Variants in RNF43 observed in about 807,000 individuals in gnomAD.
RNF43 encodes ring finger protein 43, also known as E3 ubiquitin-protein ligase RNF43.
RNF43 carries 37 observed loss-of-function variants against 78.4 expected under a neutral mutation model. The observed-to-expected ratio is 0.47, with a 90% CI of 0.36 to 0.62. RNF43 has a LOEUF of 0.62. Among genes scored for constraint, RNF43 ranks in the 20% least tolerant of loss-of-function variants. The pLI, the probability that RNF43 is intolerant of heterozygous loss-of-function variation, is 0.00. For synonymous variants in RNF43, 347 were observed against 395.0 expected, an observed-to-expected ratio of 0.88 and a Z score of 1.44; for missense variants, 774 against 1,007.9, an observed-to-expected ratio of 0.77 and a Z score of 3.14.
At chr17:58,381,352 C>T (rs1301820300) in intron 2 of RNF43, among the ~76,000 whole-genome samples, 1 of 152,180 alleles carries the variant, frequency 6.6e-6, no homozygotes. Context: ...TGCTGACAGC[C>T]CTTTGACCAC....
intron 2 of RNF43, among the ~76,000 whole-genome samples, chr17:58,391,005 T>C (rs1310910570): frequency 1.3e-5 from 2 of 152,226 alleles, no homozygotes; most frequent in Non-Finnish European, 2.9e-5. Context: ...CTACAGTATC[T>C]GAAGGGCTCC....
At position 58,415,408 on chromosome 17, in the gene RNF43, G is replaced by A. The variant is rs1260651838; in HGVS notation, c.170C>T (p.Pro57Leu). The A allele has an allele frequency of 6.2e-7, 1 of 1,614,194 alleles. No individual in the cohort carries two copies. Among genetic ancestry groups the A allele is most frequent in the African/African-American group, 1.3e-5 (1 of 75,062 alleles). Residue 57 changes from proline to leucine, a missense_variant, in exon 2 of 10, where the codon CCC becomes CTC. By Grantham distance (98) the Pro-to-Leu change is moderately conservative. Transcript: ENST00000407977. Reference protein sequence around the residue: ...IIRVIPLKMDPTGKLNLTLEG... With the variant: ...IIRVIPLKMDLTGKLNLTLEG... Reference sequence around the variant, plus strand: ...CAAAGTGAGATTCAGTTTTCCTGTGGGGTCCATTTTCAAGGGGATCACTCT... The same window carrying A: ...CAAAGTGAGATTCAGTTTTCCTGTGAGGTCCATTTTCAAGGGGATCACTCT...
chr17:58,412,590 A>G (rs938760454), intron 2 of RNF43, among the ~76,000 whole-genome samples: 1 of 149,338 alleles, frequency 6.7e-6, no homozygotes, highest in Non-Finnish European at 1.5e-5. Context: ...AGTTGAGACA[A>G]AATTCTTTTA....
intron 2 of RNF43, among the ~76,000 whole-genome samples, chr17:58,393,168 G>A (rs1973595409): frequency 6.6e-6 from 1 of 152,156 alleles, no homozygotes; most frequent in Non-Finnish European, 1.5e-5. Context: ...AGCACTTTTG[G>A]AGGCCAAGGT....
intron 2 of RNF43, among the ~76,000 whole-genome samples, chr17:58,385,949 A>T (rs530843032): frequency 2.6e-5 from 4 of 152,020 alleles, no homozygotes; most frequent in South Asian, 4.2e-4. Context: ...TCTATGAAAA[A>T]TTTTTTAAAA....
Position 58,362,583 on chromosome 17 carries a change from C to G in RNF43, c.648G>C (p.Ser216=), listed in dbSNP as rs370069540. The G allele has an allele frequency of 1.7e-5, 28 of 1,612,020 alleles. No individual in the cohort carries two copies. Among genetic ancestry groups the G allele is most frequent in the Non-Finnish European group, 2.4e-5 (28 of 1,179,084 alleles). ...VGTIFVIILA[S]VLRIRCRPRH... ...GGGGGCGGCACCGGATGCGCAGCAC[C>G]GAAGCCAGGATGATCACAAAGATGG... is the stretch of plus-strand genomic sequence containing the variant. The change falls in exon 6 of 10, where the codon TCG becomes TCC. Residue 216 remains serine, a synonymous_variant. Coordinates refer to ENST00000407977, the MANE Select transcript of RNF43 (RefSeq NM_017763.6).
At chr17:58,396,834 T>C (rs1010199656) in intron 2 of RNF43, among the ~76,000 whole-genome samples, 1 of 152,046 alleles carries the variant, frequency 6.6e-6, no homozygotes, top group East Asian at 1.9e-4. Context: ...CCTTTATATA[T>C]ACACACACAC....
rs758854182 is a variant in RNF43, at chr17:58,363,581, C to A, written c.395G>T (p.Arg132Leu). The change falls in exon 4 of 10, where the codon CGA (arginine) becomes CTA (leucine). Residue 132 changes from arginine to leucine, a missense_variant. By Grantham distance (102) the Arg-to-Leu change is moderately radical. Transcript: ENST00000407977. ...GTCAAAGAGGACAGCACTGGCTCCT[C>A]GCTCACCCGCCATCCGAGCCTGCAG... ...LASKARMAGE[R>L]GASAVLFDIT... 6.2e-7 allele frequency: 1 copy of A among 1,611,982 alleles called. No individual in the cohort carries two copies. Among genetic ancestry groups the A allele is most frequent in the South Asian group, 1.1e-5 (1 of 90,966 alleles).
rs2143401994 is a variant in RNF43, at chr17:58,358,048, G to A, written c.1728C>T (p.Pro576=). The change falls in exon 9 of 10, where the codon CCC becomes CCT. Residue 576 remains proline (P), a synonymous_variant. Coordinates refer to ENST00000407977, the MANE Select transcript of RNF43 (RefSeq NM_017763.6). This position sits in a 1 kb window ranked among gnomAD's most constrained non-coding sequence, Gnocchi z 6.2. ...TCCGAGGAATAGGAGGCCTGGACTGGGGGACTCCGGTTTCTGGGCCAGGCT... is the reference window on the plus strand; with the variant it reads ...TCCGAGGAATAGGAGGCCTGGACTGAGGGACTCCGGTTTCTGGGCCAGGCT... The part of the protein sequence containing the change: ...GRKPGPETGV[P]QSRPPIPRTQ... The A allele has an allele frequency of 6.3e-7, 1 of 1,590,764 alleles. No individual in the cohort carries two copies. The highest frequency in any genetic ancestry group is 2.2e-5 in the East Asian group (1 of 44,724).
intron 2 of RNF43, among the ~76,000 whole-genome samples, chr17:58,384,231 T>C (rs1002361459): frequency 6.6e-6 from 1 of 152,234 alleles, no homozygotes; most frequent in African/African-American, 2.4e-5. Context: ...TTCTCAGTTA[T>C]CAAGTTGGCT....
intron 3 of RNF43, among the ~76,000 whole-genome samples, chr17:58,367,348 T>A (rs184024004): frequency 5.9e-5 from 9 of 152,116 alleles, no homozygotes; most frequent in Non-Finnish European, 1.0e-4. Context: ...CGACATGTGA[T>A]TTCATTTACT....
At position 58,354,012 on chromosome 17, in the gene RNF43, G is replaced by C. The variant is rs990639433; in HGVS notation, c.*931C>G. On this transcript the variant is annotated 3_prime_UTR_variant, in exon 10 of 10. Transcript: ENST00000407977. ...CCTGGCCTGTATGGCTTATACTGGGGAGCTGGGCCTCTGGGCTGTCCAAAC... is the reference window on the plus strand; with the variant it reads ...CCTGGCCTGTATGGCTTATACTGGGCAGCTGGGCCTCTGGGCTGTCCAAAC... The C allele has an allele frequency of 5.3e-6, 1 of 189,434 alleles. No individual in the cohort carries two copies. Among genetic ancestry groups the C allele is most frequent in the African/African-American group, 2.3e-5 (1 of 42,818 alleles). 11.7% of individuals were successfully genotyped at this position (189,434 alleles called of 1,614,324 possible). A position where few individuals can be genotyped will look rare whatever the true frequency, so the allele number is the denominator to read the frequency against.
At chr17:58,396,740 T>C (rs1973690011) in intron 2 of RNF43, among the ~76,000 whole-genome samples, 1 of 152,190 alleles carries the variant, frequency 6.6e-6, no homozygotes, top group Non-Finnish European at 1.5e-5. Context: ...CTATAGAATA[T>C]ATACAATATG....
rs775174885 is a variant in RNF43, at chr17:58,358,255, G to C, written c.1521C>G (p.Pro507=). Residue 507 remains proline (P), a synonymous_variant, in exon 9 of 10, where the codon CCC becomes CCG. Coordinates refer to ENST00000407977, the MANE Select transcript of RNF43 (RefSeq NM_017763.6). The surrounding 1 kb of genome is among the most constrained non-coding windows in gnomAD (Gnocchi z 6.2). ...FCSSLSSDFD[P]LVYCSPKGDP... ...CCCCTTTAGGGCTGCAGTACACTAG[G>C]GGGTCAAAGTCACTGCTTAGGGAGC... The C allele has an allele frequency of 6.2e-7, 1 of 1,613,992 alleles. No individual in the cohort carries two copies. Among genetic ancestry groups the C allele is most frequent in the South Asian group, 1.1e-5 (1 of 91,086 alleles).
chr17:58,360,401 G>T lies in RNF43; in HGVS notation c.850-150C>A. 3.2e-6 allele frequency: 2 copies of T among 632,036 alleles called. No individual in the cohort carries two copies. The highest frequency in any genetic ancestry group is 5.6e-6 in the Non-Finnish European group (2 of 357,938). 39.2% of individuals were successfully genotyped at this position (632,036 alleles called of 1,614,324 possible). ...TAGAATAGGAATGGTATGAGCTTTGGCATCACATAGACCTGGATTTTGCAC... is the reference window on the plus strand; with the variant it reads ...TAGAATAGGAATGGTATGAGCTTTGTCATCACATAGACCTGGATTTTGCAC... On this transcript the variant is annotated intron_variant, in intron 7 of 9. Transcript: ENST00000407977. The surrounding 1 kb of genome is among the most constrained non-coding windows in gnomAD (Gnocchi z 4.3).
chr17:58,375,065 T>A (rs1377227454), intron 2 of RNF43, among the ~76,000 whole-genome samples: 1 of 152,116 alleles, frequency 6.6e-6, no homozygotes, highest in East Asian at 1.9e-4. Flanking sequence ...TAAATATTTG[T>A]CTTATTTTAT....
intron 2 of RNF43, among the ~76,000 whole-genome samples, chr17:58,385,040 G>A (rs1011087567): frequency 2.0e-5 from 3 of 152,138 alleles, no homozygotes; most frequent in African/African-American, 7.2e-5. Flanking sequence ...CAATAAATAC[G>A]CGCTTCTTGA....
Position 58,360,689 on chromosome 17 carries a change from G to A in RNF43, c.849+94C>T. On this transcript the variant is annotated intron_variant, in intron 7 of 9. Coordinates refer to ENST00000407977, the MANE Select transcript of RNF43 (RefSeq NM_017763.6). This position sits in a 1 kb window ranked among gnomAD's most constrained non-coding sequence, Gnocchi z 4.3. Reference sequence around the variant, plus strand: ...GACACATGGGAAACAGATGTAGCCAGGGTACCCATACCAGCCCCTAGGCCT... The same window carrying A: ...GACACATGGGAAACAGATGTAGCCAAGGTACCCATACCAGCCCCTAGGCCT... 7.5e-7 allele frequency: 1 copy of A among 1,329,228 alleles called. No individual in the cohort carries two copies. The highest frequency in any genetic ancestry group is 2.3e-5 in the Admixed American group (1 of 43,274). 82.3% of individuals were successfully genotyped at this position (1,329,228 alleles called of 1,614,324 possible).
At chr17:58,374,842 T>C (rs961394436) in intron 2 of RNF43, among the ~76,000 whole-genome samples, 2 of 152,142 alleles carry the variant, frequency 1.3e-5, no homozygotes, top group Non-Finnish European at 2.9e-5. Context: ...TCTACCTTAA[T>C]AATCTTAAGT....
Sources: allele counts gnomAD v4.1 joint callset (sites outside exome capture counted in the v4.1 genomes callset), GRCh38; gene constraint gnomAD v4.1.1; non-coding constraint Gnocchi (gnomAD v3.1); transcripts MANE v1.5; gene names NCBI Gene and HGNC (gene_info 2026-07-23, HGNC 2026-07-21).